The following GPCPD1 variants were observed in gnomAD, a reference collection of about 807,000 sequenced individuals.
The protein encoded by GPCPD1 is glycerophosphocholine phosphodiesterase 1, also known as glycerophosphocholine phosphodiesterase GPCPD1.
Under a neutral mutation model 89.2 loss-of-function variants are expected in GPCPD1, and 29 were observed. The observed-to-expected ratio is 0.33, with a 90% CI of 0.24 to 0.44. The LOEUF (loss-of-function observed/expected upper bound fraction) is 0.44. GPCPD1 is among the 20% of genes least tolerant of loss of function. The probability of loss-of-function intolerance (pLI) is 1.00; values close to 1 mark genes in which losing one functional copy is unlikely to be tolerated. For synonymous variants in GPCPD1, 258 were observed against 266.3 expected (o/e 0.97, Z 0.30); for missense variants, 594 against 808.9 (o/e 0.73, Z 3.22).
At chr20:5,592,188 T>C (rs1044939804) in intron 4 of GPCPD1, among the ~76,000 whole-genome samples, 2 of 152,216 alleles carry the variant, frequency 1.3e-5, no homozygotes, top group Non-Finnish European at 2.9e-5. Context: ...CAAAGCTAAA[T>C]TTCATATACC....
In GPCPD1 at chr20:5,544,457, A is replaced by ATT. The variant is rs1453207100; in HGVS notation, c.*3202_*3203dup. ...ACTAGGATTGTTGCCACCACCATTTATTTATCTAGTTCATAACTAAGGATA... is the reference window on the plus strand; with the variant it reads ...ACTAGGATTGTTGCCACCACCATTTATTTTTATCTAGTTCATAACTAAGGATA... On this transcript the variant is annotated 3_prime_UTR_variant, in exon 20 of 20. Coordinates refer to ENST00000379019, the MANE Select transcript of GPCPD1 (RefSeq NM_019593.5). The ATT allele has an allele frequency of 6.6e-6, 1 of 152,256 alleles. No individual in the cohort carries two copies. Among genetic ancestry groups the ATT allele is most frequent in the Non-Finnish European group, 1.5e-5 (1 of 68,046 alleles). The allele number at this position is 152,256 out of a possible 1,614,324, so 9.4% of individuals were successfully genotyped here.
chr20:5,570,808 G>A (rs1301323777), intron 11 of GPCPD1, among the ~76,000 whole-genome samples: 3 of 152,052 alleles, frequency 2.0e-5, no homozygotes, highest in Non-Finnish European at 2.9e-5. Context: ...GCTCATGTCC[G>A]GTTTCCTAAT....
At chr20:5,568,517 C>A (rs994540449) in intron 12 of GPCPD1, among the ~76,000 whole-genome samples, 2 of 151,990 alleles carry the variant, frequency 1.3e-5, no homozygotes, top group Non-Finnish European at 2.9e-5. Context: ...TTTCATTTCT[C>A]AATTAACTCA....
chr20:5,580,019 T>C lies in GPCPD1; in HGVS notation c.462A>G (p.Lys154=). Residue 154 remains lysine (K), a synonymous_variant, in exon 7 of 20, where the codon AAA becomes AAG. Coordinates refer to ENST00000379019, the MANE Select transcript of GPCPD1 (RefSeq NM_019593.5). The stretch of plus-strand genomic sequence containing the variant: ...AAACATGGTCATACCTAAATCTAGA[T>C]TTTTTTAATTTTTTCTTGGTTATTG... ...PVSITKKKLK[K]SRFRVKLTLE... 6.5e-7 allele frequency: 1 copy of C among 1,534,284 alleles called. No individual in the cohort carries two copies.
At chr20:5,598,321 G>A (rs985098444) in intron 3 of GPCPD1, among the ~76,000 whole-genome samples, 1 of 152,038 alleles carries the variant, frequency 6.6e-6, no homozygotes, top group Non-Finnish European at 1.5e-5. Context: ...CGCAAGGATC[G>A]CTTCAGCCCA....
At chr20:5,594,343 G>A (rs2122761135) in intron 3 of GPCPD1, among the ~76,000 whole-genome samples, 1 of 150,278 alleles carries the variant, frequency 6.7e-6, no homozygotes, top group Middle Eastern at 3.6e-3. Flanking sequence ...AGAGTGAAGT[G>A]CAGTGGCGCG....
In GPCPD1 at chr20:5,565,035, T is replaced by G. The variant is rs1986305250; in HGVS notation, c.1311A>C (p.Pro437=). The change falls in exon 15 of 20, where the codon CCA becomes CCC. Residue 437 remains proline, a synonymous_variant. Coordinates refer to ENST00000379019, the MANE Select transcript of GPCPD1 (RefSeq NM_019593.5). ...QEENSFSENQ[P]FPSLKMVLES... is the part of the protein sequence containing the mutation. ...AACTTACCATCTTAAGAGAAGGAAA[T>G]GGCTGATTTTCTGAAAAGGAATTTT... 1 of 1,527,170 alleles carries G rather than the reference T, an allele frequency of 6.5e-7. No homozygotes were observed. Among genetic ancestry groups the G allele is most frequent in the Admixed American group, 1.7e-5 (1 of 59,790 alleles). The allele number at this position is 1,527,170 out of a possible 1,614,324, so 94.6% of individuals were successfully genotyped here.
chr20:5,551,417 A>C (rs763341337), intron 19 of GPCPD1, among the ~76,000 whole-genome samples: 2 of 152,306 alleles, frequency 1.3e-5, no homozygotes, highest in East Asian at 3.9e-4. Context: ...AAGTCATTGT[A>C]CTATCAATAA....
chr20:5,551,574 A>C (rs1333654546), intron 19 of GPCPD1, among the ~76,000 whole-genome samples: 1 of 152,202 alleles, frequency 6.6e-6, no homozygotes, highest in African/African-American at 2.4e-5. Context: ...ACAATATGTT[A>C]ATTTTAAGAA....
chr20:5,609,607 A>AC (rs1980820903), intron 1 of GPCPD1, among the ~76,000 whole-genome samples: 1 of 152,170 alleles, frequency 6.6e-6, no homozygotes, highest in Non-Finnish European at 1.5e-5. Context: ...CGATTCATCA[A>AC]CGTACTTTAT....
chr20:5,575,275 T>C, intron 10 of GPCPD1, 138 bp downstream of exon 10: 1 of 636,882 alleles, frequency 1.6e-6, no homozygotes, highest in Non-Finnish European at 2.7e-6. Flanking sequence ...GGTTGGTCTC[T>C]AACCCCAATT....
chr20:5,584,241 A>G (rs1568666414), intron 6 of GPCPD1, 40 bp downstream of exon 6: 3 of 930,756 alleles, frequency 3.2e-6, no homozygotes, highest in African/African-American at 1.6e-5. Flanking sequence ...AACAATCTCA[A>G]TCATTTCAGT....
At chr20:5,579,044 G>A (rs1023779428) in intron 7 of GPCPD1, among the ~76,000 whole-genome samples, 1 of 142,318 alleles carries the variant, frequency 7.0e-6, no homozygotes, top group Non-Finnish European at 1.5e-5. Flanking sequence ...AAATTATTCA[G>A]GCATGTGTCA....
intron 3 of GPCPD1, among the ~76,000 whole-genome samples, chr20:5,594,104 C>T (rs909193978): frequency 1.3e-5 from 2 of 152,188 alleles, no homozygotes; most frequent in Admixed American, 1.3e-4. Context: ...GAATTCACTA[C>T]AATTCATTAC....
At chr20:5,602,344 C>A (rs1980220769) in intron 2 of GPCPD1, among the ~76,000 whole-genome samples, 1 of 152,206 alleles carries the variant, frequency 6.6e-6, no homozygotes, top group Non-Finnish European at 1.5e-5. Context: ...CAACTGCCTG[C>A]CTACAACTCC....
At chr20:5,599,845 G>A (rs769391194) in intron 2 of GPCPD1, among the ~76,000 whole-genome samples, 4 of 152,022 alleles carry the variant, frequency 2.6e-5, no homozygotes, top group African/African-American at 4.8e-5. Flanking sequence ...GAGCCGCCGC[G>A]CCCAGCCAAA....
At chr20:5,576,139 G>T (rs1301600382) in intron 8 of GPCPD1, among the ~76,000 whole-genome samples, 161 bp from the exon 9 acceptor site, 2 of 149,780 alleles carry the variant, frequency 1.3e-5, no homozygotes, top group African/African-American at 4.9e-5. Flanking sequence ...CAGTATTTTC[G>T]GCCGGGGTCA....
chr20:5,564,847 C>T (rs1029986582), intron 15 of GPCPD1, among the ~76,000 whole-genome samples, 170 bp downstream of exon 15: 1 of 152,096 alleles, frequency 6.6e-6, no homozygotes, highest in African/African-American at 2.4e-5. Context: ...CTCACACACA[C>T]ACACACAAAC....
intron 15 of GPCPD1, among the ~76,000 whole-genome samples, chr20:5,562,594 T>C (rs1054216631): frequency 6.6e-6 from 1 of 152,222 alleles, no homozygotes; most frequent in Non-Finnish European, 1.5e-5. Flanking sequence ...TTATTTTAGA[T>C]ACTTCAAAAT....
Sources: gnomAD v4.1 joint callset for allele counts (sites outside exome capture counted in the v4.1 genomes callset) on GRCh38, gnomAD v4.1.1 for gene constraint, MANE v1.5 for transcripts, NCBI Gene and HGNC (gene_info 2026-07-23, HGNC 2026-07-21) for gene names.